Variants in MTUS2 observed in about 807,000 individuals in gnomAD.
The protein encoded by MTUS2 is microtubule-associated tumor suppressor candidate 2.
MTUS2 carries 40 observed loss-of-function variants against 114.1 expected under a neutral mutation model. The ratio of observed to expected loss-of-function variants is 0.35; its 90% CI spans 0.27 to 0.46. MTUS2 has a LOEUF of 0.46. MTUS2 is among the 20% of genes least tolerant of loss of function. MTUS2 has a pLI of 1.00. For synonymous variants in MTUS2, 688 were observed against 672.0 expected, an observed-to-expected ratio of 1.02 and a Z score of -0.37; for missense variants, 1,679 against 1,705.4, an observed-to-expected ratio of 0.98 and a Z score of 0.27.
intron 5 of MTUS2, among the ~76,000 whole-genome samples, chr13:29,192,246 G>A (rs1390418158): frequency 6.6e-6 from 1 of 152,118 alleles, no homozygotes; most frequent in African/African-American, 2.4e-5. Flanking sequence ...AAAGGTTTGG[G>A]TTACTAAGTA....
chr13:29,142,446 A>C (rs753051459), intron 5 of MTUS2, among the ~76,000 whole-genome samples: 1 of 152,120 alleles, frequency 6.6e-6, no homozygotes, highest in Non-Finnish European at 1.5e-5. Flanking sequence ...GCTCACGCCT[A>C]TAATCCCAGA....
chr13:29,183,667 C>T (rs1308833546), intron 5 of MTUS2, among the ~76,000 whole-genome samples: 1 of 152,008 alleles, frequency 6.6e-6, no homozygotes, highest in Non-Finnish European at 1.5e-5. Context: ...GAAGAAAAAG[C>T]AAAGGACACC....
chr13:29,273,380 T>G (rs1897947151), intron 5 of MTUS2, among the ~76,000 whole-genome samples: 1 of 152,128 alleles, frequency 6.6e-6, no homozygotes, highest in Admixed American at 6.5e-5. Context: ...TTGGTTGGAA[T>G]CCACTGTAGT....
At chr13:28,821,951 G>C (rs561784125) in intron 1 of MTUS2, among the ~76,000 whole-genome samples, 15 of 152,294 alleles carry the variant, frequency 9.8e-5, no homozygotes, top group African/African-American at 3.6e-4. Context: ...ATAATTCCAT[G>C]TAGAATACTT....
chr13:29,196,615 C>A (rs567839999), intron 5 of MTUS2, among the ~76,000 whole-genome samples: 1 of 152,252 alleles, frequency 6.6e-6, no homozygotes, highest in Admixed American at 6.5e-5. Flanking sequence ...AAACACTAAC[C>A]TTTCATTGCC....
At chr13:29,327,143 TATAA>T (rs1900553998) in intron 7 of MTUS2, among the ~76,000 whole-genome samples, 2 of 98,486 alleles carry the variant, frequency 2.0e-5, no homozygotes, top group Non-Finnish European at 5.2e-5. Flanking sequence ...ATTAAAAATG[TATAA>T]GTAAAAGGAT....
chr13:29,075,656 A>T (rs991973489), intron 4 of MTUS2, among the ~76,000 whole-genome samples: 5 of 152,370 alleles, frequency 3.3e-5, no homozygotes, highest in Admixed American at 3.3e-4. Context: ...TTACTGAGGG[A>T]CAACAACTTT....
At chr13:29,105,510 G>A (rs1927844) in intron 5 of MTUS2, among the ~76,000 whole-genome samples, 102,003 of 151,864 alleles carry the variant, frequency 0.67, 34,952 homozygotes, top group Non-Finnish European at 0.74. Context: ...GATATTTGCA[G>A]CTTTCCTTTC....
Position 29,268,932 on chromosome 13 carries a change from A to G in MTUS2, c.2645-12772A>G, listed in dbSNP as rs1037093496. On this transcript the variant is annotated intron_variant, in intron 5 of 15. Coordinates refer to ENST00000612955, the MANE Select transcript of MTUS2 (RefSeq NM_001033602.4). ...TTTTTTGTAGAGACAGGGTCTCCCT[A>G]TGTTTCCCAGGCTGGTCTCAAACTC... Among the ~76,000 whole-genome samples the G allele has an allele frequency of 3.9e-4, 60 of 152,048 alleles. 1 individual carries two copies. The highest frequency in any genetic ancestry group is 1.4e-3 in the African/African-American group (57 of 41,482).
At chr13:29,407,636 C>G (rs552068658) in intron 8 of MTUS2, among the ~76,000 whole-genome samples, 63 of 152,100 alleles carry the variant, frequency 4.1e-4, no homozygotes, top group Non-Finnish European at 7.6e-4. Flanking sequence ...CGCCACCACA[C>G]CCAGCTAACT....
intron 2 of MTUS2, among the ~76,000 whole-genome samples, chr13:28,929,661 G>A (rs1881509419): frequency 6.6e-6 from 1 of 152,132 alleles, no homozygotes; most frequent in Non-Finnish European, 1.5e-5. Flanking sequence ...AATCCAGGGT[G>A]AATGAGGGAG....
intron 6 of MTUS2, among the ~76,000 whole-genome samples, chr13:29,292,285 A>AC (rs920841789): frequency 1.3e-5 from 2 of 152,096 alleles, no homozygotes; most frequent in African/African-American, 4.8e-5. Context: ...AATTACCGTC[A>AC]CCCCCTGTTG....
At chr13:28,971,458 A>G (rs750613691) in intron 2 of MTUS2, among the ~76,000 whole-genome samples, 1 of 152,182 alleles carries the variant, frequency 6.6e-6, no homozygotes, top group Admixed American at 6.5e-5. Flanking sequence ...TGTTCTCTCA[A>G]GCTGAAAAAG....
intron 2 of MTUS2, among the ~76,000 whole-genome samples, chr13:28,935,589 C>T (rs1430300482): frequency 1.3e-5 from 2 of 152,040 alleles, no homozygotes; most frequent in African/African-American, 4.8e-5. Context: ...GCTGTCCTCT[C>T]GTGGTTACTT....
At chr13:28,894,288 G>GAA (rs1879107286) in intron 2 of MTUS2, among the ~76,000 whole-genome samples, 1 of 20,920 alleles carries the variant, frequency 4.8e-5, no homozygotes, top group Admixed American at 3.4e-4. Flanking sequence ...GTGGGGGGGG[G>GAA]GGAGAGAGAG....
intron 8 of MTUS2, among the ~76,000 whole-genome samples, chr13:29,383,217 AGTGTGT>A (rs1297604822): frequency 1.2e-4 from 13 of 105,568 alleles, no homozygotes; most frequent in African/African-American, 3.9e-4. Flanking sequence ...AGGAAAATTG[AGTGTGT>A]GTGTGTGTGT....
chr13:28,851,888 T>A (rs1462176969), intron 2 of MTUS2, among the ~76,000 whole-genome samples: 1 of 152,146 alleles, frequency 6.6e-6, no homozygotes, highest in Non-Finnish European at 1.5e-5. Flanking sequence ...CTGTTTCCAC[T>A]CTTCCCTCCT....
At chr13:28,840,719 C>A (rs1875415708) in intron 2 of MTUS2, among the ~76,000 whole-genome samples, 1 of 152,160 alleles carries the variant, frequency 6.6e-6, no homozygotes, top group African/African-American at 2.4e-5. Flanking sequence ...GGATTCAACT[C>A]ATGATAGACT....
intron 2 of MTUS2, among the ~76,000 whole-genome samples, chr13:28,968,281 G>A (rs944628380): frequency 6.6e-6 from 1 of 152,032 alleles, no homozygotes; most frequent in African/African-American, 2.4e-5. Context: ...CAAAATAAAG[G>A]CCCACATATC....
Sources: gnomAD v4.1 joint callset for allele counts (sites outside exome capture counted in the v4.1 genomes callset) on GRCh38, gnomAD v4.1.1 for gene constraint, MANE v1.5 for transcripts, NCBI Gene and HGNC (gene_info 2026-07-23, HGNC 2026-07-21) for gene names.